PLCE1: variants seen among roughly 807,000 people sequenced by gnomAD.
PLCE1 encodes phospholipase C epsilon 1.
Under a neutral mutation model 242.8 loss-of-function variants are expected in PLCE1, and 119 were observed. The ratio of observed to expected loss-of-function variants is 0.49; its 90% confidence interval spans 0.42 to 0.57. The LOEUF (loss-of-function observed/expected upper bound fraction) is 0.57, where lower values mean the gene tolerates loss of function less well. Ranked by LOEUF, PLCE1 falls within the 20% of genes least tolerant of loss-of-function variation. The pLI, the probability that PLCE1 is intolerant of heterozygous loss-of-function variation, is 0.00. For missense variants in PLCE1, 2,441 were observed against 2,788.8 expected (o/e 0.88, Z 2.81); for synonymous variants, 945 against 1,017.4 (o/e 0.93, Z 1.35).
chr10:94,255,956 T>TCTCC (rs2051075950), intron 11 of PLCE1, among the ~76,000 whole-genome samples: 1 of 118,532 alleles, frequency 8.4e-6, no homozygotes, highest in East Asian at 2.6e-4. Context: ...TCTCTCTCTC[T>TCTCC]CCCCACCCCT....
chr10:94,024,535 T>A (rs1275310466), intron 1 of PLCE1, among the ~76,000 whole-genome samples: 1 of 152,126 alleles, frequency 6.6e-6, no homozygotes, highest in African/African-American at 2.4e-5. Flanking sequence ...TACTATAAAG[T>A]CCTAGCTCAA....
chr10:94,084,008 G>A (rs761839848), intron 2 of PLCE1, among the ~76,000 whole-genome samples: 1 of 152,152 alleles, frequency 6.6e-6, no homozygotes, highest in African/African-American at 2.4e-5. Flanking sequence ...GATTAAAGGA[G>A]GCTATCACAT....
chr10:94,315,131 A>G (rs923912767), intron 28 of PLCE1: 1 of 266,570 alleles, frequency 3.8e-6, no homozygotes, highest in Non-Finnish European at 7.4e-6. Flanking sequence ...ATCCTGAATT[A>G]TCCCTATAGT....
intron 1 of PLCE1, among the ~76,000 whole-genome samples, chr10:94,020,771 A>G (rs2061362731): frequency 6.6e-6 from 1 of 151,874 alleles, no homozygotes; most frequent in Non-Finnish European, 1.5e-5. Context: ...TCTTCTGCCC[A>G]TTTCTTAAAA....
intron 5 of PLCE1, among the ~76,000 whole-genome samples, chr10:94,229,079 G>A (rs1218781775): frequency 6.6e-6 from 1 of 151,962 alleles, no homozygotes; most frequent in Non-Finnish European, 1.5e-5. Flanking sequence ...CTACTCAGGA[G>A]GCTGAGGCAG....
At chr10:94,157,820 A>G (rs2047481586) in intron 3 of PLCE1, among the ~76,000 whole-genome samples, 1 of 152,220 alleles carries the variant, frequency 6.6e-6, no homozygotes, top group Non-Finnish European at 1.5e-5. Context: ...CCTTCGAGTC[A>G]GTGTAGGCTG....
intron 4 of PLCE1, among the ~76,000 whole-genome samples, chr10:94,197,544 T>C (rs2048858632): frequency 6.6e-6 from 1 of 152,228 alleles, no homozygotes; most frequent in African/African-American, 2.4e-5. Flanking sequence ...AAGTGATACC[T>C]CATGGTTTTG....
At chr10:94,150,866 ACT>A (rs1166744932) in intron 3 of PLCE1, among the ~76,000 whole-genome samples, 1 of 152,008 alleles carries the variant, frequency 6.6e-6, no homozygotes, top group Non-Finnish European at 1.5e-5. Context: ...GGTGCCCAGG[ACT>A]CTCAGGCCTG....
At chr10:94,277,682 A>C (rs1222793206) in intron 19 of PLCE1, among the ~76,000 whole-genome samples, 2 of 152,212 alleles carry the variant, frequency 1.3e-5, no homozygotes, top group Non-Finnish European at 2.9e-5. Context: ...CTTATCAGCG[A>C]TAAACAGACC....
chr10:94,098,829 G>T (rs1221087875), intron 2 of PLCE1, among the ~76,000 whole-genome samples: 1 of 152,176 alleles, frequency 6.6e-6, no homozygotes, highest in African/African-American at 2.4e-5. Context: ...GACCTATCTT[G>T]TATTCCTTCT....
chr10:94,179,521 T>TGTTTTTTGTTTTTTTTG lies in PLCE1; in HGVS notation c.1809+8025_1809+8026insGTTTTTTGTTTTTTTTG, dbSNP rs67919831. Among the ~76,000 whole-genome samples, 2 of 84,720 alleles carry TGTTTTTTGTTTTTTTTG rather than the reference T, an allele frequency of 2.4e-5. 1 individual carries two copies. The allele number at this position is 84,720 out of a possible 152,430, so 55.6% of individuals were successfully genotyped here. A position where few individuals can be genotyped will look rare whatever the true frequency, so the allele number is the denominator to read the frequency against. ...TTTTTATTTTAGTTTAGTTTTTTTT[T>TGTTTTTTGTTTTTTTTG]TTTTTTTTTGACAGGGTCTCTGTTG... On this transcript the variant is annotated intron_variant, in intron 4 of 32. Transcript: ENST00000371380.
intron 2 of PLCE1, among the ~76,000 whole-genome samples, chr10:94,046,362 A>G (rs2061883274): frequency 6.6e-6 from 1 of 152,206 alleles, no homozygotes; most frequent in Admixed American, 6.5e-5. Flanking sequence ...TGAGCCCAGC[A>G]GGAGGGGCCA....
At chr10:94,179,257 T>C (rs952271856) in intron 4 of PLCE1, among the ~76,000 whole-genome samples, 3 of 152,142 alleles carry the variant, frequency 2.0e-5, no homozygotes, top group African/African-American at 7.2e-5. Flanking sequence ...AGGTTAGCTG[T>C]AGATGGCACT....
intron 18 of PLCE1, among the ~76,000 whole-genome samples, chr10:94,272,413 G>C (rs1160578302): frequency 1.3e-5 from 2 of 152,102 alleles, no homozygotes; most frequent in African/African-American, 4.8e-5. Flanking sequence ...CACACCTTAT[G>C]GTTGTCTTCC....
At chr10:94,235,661 A>AT (rs971115462) in intron 6 of PLCE1, 40 of 915,074 alleles carry the variant, frequency 4.4e-5, no homozygotes, top group East Asian at 1.2e-4. Context: ...CTGAAATAAT[A>AT]TTTTTTTTGT....
chr10:94,160,251 C>T (rs2047565431), intron 3 of PLCE1, among the ~76,000 whole-genome samples: 2 of 152,102 alleles, frequency 1.3e-5, no homozygotes, highest in African/African-American at 4.8e-5. Context: ...TAAAAGTGTT[C>T]CTATTTCTCC....
chr10:94,219,447 C>A (rs1421461474), intron 4 of PLCE1, among the ~76,000 whole-genome samples: 1 of 152,156 alleles, frequency 6.6e-6, no homozygotes, highest in Non-Finnish European at 1.5e-5. Flanking sequence ...GCAAAGACAG[C>A]TCTCAACAGC....
At chr10:94,258,010 TAA>T (rs2051162354) in intron 11 of PLCE1, among the ~76,000 whole-genome samples, 1 of 152,150 alleles carries the variant, frequency 6.6e-6, no homozygotes, top group African/African-American at 2.4e-5. Flanking sequence ...GTATAGAAAA[TAA>T]AAAATGTTGT....
At chr10:94,310,969 C>A (rs2133704541) in intron 27 of PLCE1, among the ~76,000 whole-genome samples, 1 of 152,308 alleles carries the variant, frequency 6.6e-6, no homozygotes, top group Middle Eastern at 3.4e-3. Context: ...TATAAATCCT[C>A]AGATTCAAGA....
Sources: allele counts gnomAD v4.1 joint callset (sites outside exome capture counted in the v4.1 genomes callset), GRCh38; gene constraint gnomAD v4.1.1; transcripts MANE v1.5; gene names NCBI Gene and HGNC (gene_info 2026-07-23, HGNC 2026-07-21).